SLC39A4: variants seen among roughly 807,000 people sequenced by gnomAD.
The protein encoded by SLC39A4 is zinc transporter ZIP4.
Under a neutral mutation model 56.6 loss-of-function variants are expected in SLC39A4, and 49 were observed. The ratio of observed to expected loss-of-function variants is 0.87; its 90% CI spans 0.69 to 1.10. SLC39A4 has a LOEUF of 1.10. Among genes scored for constraint, SLC39A4 ranks in the 50% least tolerant of loss-of-function variants. The pLI is 0.00. For missense variants in SLC39A4, 993 were observed against 864.2 expected (o/e 1.15, Z -1.87); for synonymous variants, 540 against 420.4 (o/e 1.28, Z -3.48).
In SLC39A4 at chr8:144,416,809, CAGTG is replaced by C; in HGVS notation, c.-24_-21del. On this transcript the variant is annotated 5_prime_UTR_variant, in exon 1 of 12. Transcript: ENST00000301305. Reference sequence around the variant, plus strand: ...CGCCATACTCAGCTCCCAGCGTGCTCAGTGGGTGTTGCTGTGGCCAAGGCCCAGT... The same window carrying C: ...CGCCATACTCAGCTCCCAGCGTGCTCGGTGTTGCTGTGGCCAAGGCCCAGT... The C allele has an allele frequency of 1.2e-6, 2 of 1,606,796 alleles. No individual in the cohort carries two copies. Among genetic ancestry groups the C allele is most frequent in the South Asian group, 2.2e-5 (2 of 90,114 alleles).
At position 144,413,978 on chromosome 8, in the gene SLC39A4, G is replaced by A. The variant is rs1554872768; in HGVS notation, c.1267C>T (p.Leu423=). 1 of 1,609,938 alleles carries A rather than the reference G, an allele frequency of 6.2e-7. No homozygotes were observed. Among genetic ancestry groups the A allele is most frequent in the Non-Finnish European group, 8.5e-7 (1 of 1,178,362 alleles). Residue 423 remains leucine (L), a synonymous_variant, in exon 7 of 12, where the codon CTG becomes TTG. Coordinates refer to ENST00000301305, the MANE Select transcript of SLC39A4 (RefSeq NM_130849.4). ...FFLFENLFNL[L]LPRDPEDLED... ...CTGACCTCCGGGTCCCTGGGCAGCA[G>A]GAGATTGAAGAGGTTCTCAAACAGG...
chr8:144,416,613 G>C lies in SLC39A4; in HGVS notation c.177C>G (p.Asn59Lys). Residue 59 changes from asparagine to lysine, a missense_variant, in exon 1 of 12, where the codon AAC (asparagine) becomes AAG (lysine). Coordinates refer to ENST00000301305, the MANE Select transcript of SLC39A4 (RefSeq NM_130849.4). The stretch of plus-strand genomic sequence containing the variant: ...GGGCTGTTACCTTTCCACACGGCCC[G>C]TTGGCGCAGTGCACACGGTCCGCCA... ...NTLADRVHCA[N>K]GPCGKCLSVE... The C allele has an allele frequency of 6.3e-7, 1 of 1,594,116 alleles. No homozygotes were observed. The highest frequency in any genetic ancestry group is 8.5e-7 in the Non-Finnish European group (1 of 1,171,656).
At chr8:144,415,641 C>T (rs1257265217) in intron 2 of SLC39A4, among the ~76,000 whole-genome samples, 169 bp downstream of exon 2, 4 of 152,164 alleles carry the variant, frequency 2.6e-5, no homozygotes, top group Non-Finnish European at 4.4e-5. Flanking sequence ...CCTACAGGCT[C>T]CCAACTGCCC....
intron 6 of SLC39A4, 80 bp downstream of exon 6, chr8:144,414,182 G>C: frequency 6.4e-7 from 1 of 1,574,450 alleles, no homozygotes; most frequent in South Asian, 1.2e-5. Flanking sequence ...GGTGGGGTGG[G>C]TAAGGTCCCT....
At position 144,415,414 on chromosome 8, in the gene SLC39A4, G is replaced by T; in HGVS notation, c.480C>A (p.Cys160Ter). Reference sequence around the variant, plus strand: ...CCTCCAGCAGCTGAGGGATATCTACGCAGGCCTGGGGAAGAGGGGGCCTCC... The same window carrying T: ...CCTCCAGCAGCTGAGGGATATCTACTCAGGCCTGGGGAAGAGGGGGCCTCC... ...RAAGQTPKMACVDIPQLLEEA... is the reference protein window; with the variant it reads ...RAAGQTPKMA The change falls in exon 3 of 12, where the codon TGC becomes TGA. Residue 160 changes from cysteine (C) to a stop codon, truncating the protein, a stop_gained. Transcript: ENST00000301305. LOFTEE classifies it high-confidence loss of function. The T allele has an allele frequency of 1.2e-6, 2 of 1,600,890 alleles. No homozygotes were observed. The highest frequency in any genetic ancestry group is 1.7e-6 in the Non-Finnish European group (2 of 1,174,552).
At chr8:144,414,134 G>C (rs202068885) in intron 6 of SLC39A4, 39 bp from the exon 7 acceptor site, 1 of 1,555,644 alleles carries the variant, frequency 6.4e-7, no homozygotes, top group East Asian at 2.4e-5. Flanking sequence ...GGAGGTCCCA[G>C]GGCGCCTCCC....
rs782537141 is a variant in SLC39A4, at chr8:144,414,828, C to G, written c.873G>C (p.Glu291Asp). 1.9e-6 allele frequency: 3 copies of G among 1,613,200 alleles called. No homozygotes were observed. Among genetic ancestry groups the G allele is most frequent in the African/African-American group, 1.3e-5 (1 of 75,020 alleles). ...GGGCAGGGCTCAGTTGGGCCCAGGC[C>G]TCCGGGGTCACCCCAGCCTGTTCCG... ...GLSEQAGVTP[E>D]AWAQLSPALL... The change falls in exon 5 of 12, where the codon GAG becomes GAC. Residue 291 changes from glutamate to aspartate, a missense_variant. Glu to Asp is a conservative substitution (Grantham distance 45, BLOSUM62 2). Transcript: ENST00000301305.
Position 144,414,253 on chromosome 8 carries a change from G to A in SLC39A4, c.1149+9C>T, listed in dbSNP as rs139192292. The stretch of plus-strand genomic sequence containing the variant: ...GGAGGGCCAGGGTCGCGGGTTTGTG[G>A]GGGCAGACCTTGGGCGTCAGATGCA... On this transcript the variant is annotated intron_variant, in intron 6 of 11. Coordinates refer to ENST00000301305, the MANE Select transcript of SLC39A4 (RefSeq NM_130849.4). 278 of 1,607,606 alleles carry A rather than the reference G, an allele frequency of 1.7e-4. 2 individuals carry two copies. In the East Asian group the frequency reaches 5.6e-3, roughly 33 times the overall value.
chr8:144,413,589 T>C, intron 8 of SLC39A4, 22 bp from the exon 9 acceptor site: 3 of 1,549,868 alleles, frequency 1.9e-6, no homozygotes, highest in South Asian at 2.4e-5. Context: ...CTTGAGTAAG[T>C]CCCGCCCGGA....
rs376765006 is a variant in SLC39A4 at position 144,414,254 on chromosome 8, G to A, written c.1149+8C>T. 5.8e-5 allele frequency: 93 copies of A among 1,607,658 alleles called. 2 individuals are homozygous for A. The highest frequency in any genetic ancestry group is 3.4e-4 in the Middle Eastern group (2 of 5,832). On this transcript the variant is annotated splice_region_variant and intron_variant, in intron 6 of 11. Coordinates refer to ENST00000301305, the MANE Select transcript of SLC39A4 (RefSeq NM_130849.4). Reference sequence around the variant, plus strand: ...GAGGGCCAGGGTCGCGGGTTTGTGGGGGCAGACCTTGGGCGTCAGATGCAG... The same window carrying A: ...GAGGGCCAGGGTCGCGGGTTTGTGGAGGCAGACCTTGGGCGTCAGATGCAG...
rs1324611721 is a variant in SLC39A4, at chr8:144,415,820, G to A, written c.464C>T (p.Thr155Ile). The change falls in exon 2 of 12, where the codon ACC (threonine) becomes ATC (isoleucine). Residue 155 changes from threonine to isoleucine, a missense_variant. By Grantham distance (89) the Thr-to-Ile change is moderately conservative. Transcript: ENST00000301305. Reference sequence around the variant, plus strand: ...TGGACTCTCCCTCACCATCTTGGGGGTCTGGCCGGCAGCCCGGGCCTGCAT... The same window carrying A: ...TGGACTCTCCCTCACCATCTTGGGGATCTGGCCGGCAGCCCGGGCCTGCAT... ...QRMQARAAGQ[T>I]PKMACVDIPQ... The A allele has an allele frequency of 1.2e-5, 19 of 1,594,640 alleles. No homozygotes were observed. The highest frequency in any genetic ancestry group is 1.7e-5 in the Admixed American group (1 of 59,646).
rs1821946007 is a variant in SLC39A4, at chr8:144,412,882, G to A, written c.1692C>T (p.Ala564=). 1.9e-6 allele frequency: 3 copies of A among 1,610,856 alleles called. No individual in the cohort carries two copies. Among genetic ancestry groups the A allele is most frequent in the Non-Finnish European group, 2.5e-6 (3 of 1,179,778 alleles). ...GACCAGCGAAGGCCGTGAGCGCGGA[G>A]GCCAGGTTCAGCAGCAGTGCTTGGC... The part of the protein sequence containing the change: ...SVRQALLLNL[A]SALTAFAGLY... The change falls in exon 11 of 12, where the codon GCC becomes GCT. Residue 564 remains alanine (A), a synonymous_variant. Coordinates refer to ENST00000301305, the MANE Select transcript of SLC39A4 (RefSeq NM_130849.4).
rs782723627 is a variant in SLC39A4 at position 144,416,794 on chromosome 8, A to G, written c.-5T>C. 2.7e-5 allele frequency: 43 copies of G among 1,611,072 alleles called. No homozygotes were observed. The highest frequency in any genetic ancestry group is 3.6e-5 in the Non-Finnish European group (42 of 1,179,494). On this transcript the variant is annotated 5_prime_UTR_variant, in exon 1 of 12. Transcript: ENST00000301305. Reference sequence around the variant, plus strand: ...CAGCGAGACCAGGGACGCCATACTCAGCTCCCAGCGTGCTCAGTGGGTGTT... The same window carrying G: ...CAGCGAGACCAGGGACGCCATACTCGGCTCCCAGCGTGCTCAGTGGGTGTT...
At chr8:144,413,124 C>G in intron 10 of SLC39A4, 113 bp downstream of exon 10, 1 of 1,500,356 alleles carries the variant, frequency 6.7e-7, no homozygotes, top group Non-Finnish European at 8.9e-7. Flanking sequence ...GGTCTCCCCA[C>G]CCAGCCAGGT....
chr8:144,413,835 C>T lies in SLC39A4; in HGVS notation c.1334G>A (p.Gly445Asp), dbSNP rs782711781. 5.0e-6 allele frequency: 8 copies of T among 1,592,932 alleles called. No individual in the cohort carries two copies. In the Admixed American group the frequency reaches 8.6e-5, roughly 17 times the overall value. ...PCGHSSHSHG[G>D]HSHGVSLQLA... Reference sequence around the variant, plus strand: ...CTGCAGGGACACACCGTGGCTGTGGCCCCCGTGGCTATGGCTGCTGTGGCC... The same window carrying T: ...CTGCAGGGACACACCGTGGCTGTGGTCCCCGTGGCTATGGCTGCTGTGGCC... The change falls in exon 8 of 12, where the codon GGC becomes GAC. Residue 445 changes from glycine to aspartate, a missense_variant. Physicochemically the swap from Gly to Asp is moderately conservative, Grantham distance 94 (BLOSUM62 -1). Transcript: ENST00000301305.
In SLC39A4 at chr8:144,413,779, G is replaced by T. The variant is rs1040441696; in HGVS notation, c.1390C>A (p.Pro464Thr). Residue 464 changes from proline (P) to threonine (T), a missense_variant, in exon 8 of 12, where the codon CCC (proline) becomes ACC (threonine). By Grantham distance (38) the Pro-to-Thr change is conservative. Coordinates refer to ENST00000301305, the MANE Select transcript of SLC39A4 (RefSeq NM_130849.4). ...LAPSELRQPK[P>T]PHEGSRADLV... The stretch of plus-strand genomic sequence containing the variant: ...TCTGCGCGGGAGCCCTCGTGGGGGG[G>T]CTTGGGCTGCCGGAGCTCGCTGGGT... 1.0e-5 allele frequency: 16 copies of T among 1,546,256 alleles called. No homozygotes were observed. Among genetic ancestry groups the T allele is most frequent in the Non-Finnish European group, 1.4e-5 (16 of 1,151,546 alleles).
chr8:144,416,144 G>A (rs1296206408), intron 1 of SLC39A4, 53 bp from the exon 2 acceptor site: 2 of 1,596,468 alleles, frequency 1.3e-6, no homozygotes, highest in Middle Eastern at 1.7e-4. Context: ...GGAGGGGAGA[G>A]GCAGGCCTGG....
Position 144,414,970 on chromosome 8 carries a change from T to G in SLC39A4, c.804+4A>C. On this transcript the variant is annotated splice_donor_region_variant and intron_variant, in intron 4 of 11. Coordinates refer to ENST00000301305, the MANE Select transcript of SLC39A4 (RefSeq NM_130849.4). ...GCCCCATCTTACCCCAGGGCGCAGC[T>G]CACCGTGTCCCACACACTGGAGCTG... 6.2e-7 allele frequency: 1 copy of G among 1,612,762 alleles called. No homozygotes were observed. The highest frequency in any genetic ancestry group is 8.5e-7 in the Non-Finnish European group (1 of 1,179,946).
chr8:144,415,770 T>C (rs782318365), intron 2 of SLC39A4, 40 bp downstream of exon 2: 5 of 1,572,276 alleles, frequency 3.2e-6, no homozygotes, highest in Admixed American at 3.4e-5. Flanking sequence ...CGTGGGACCC[T>C]CCTCACCCAC....
Sources: gnomAD v4.1 joint callset for allele counts (sites outside exome capture counted in the v4.1 genomes callset) on GRCh38, gnomAD v4.1.1 for gene constraint, MANE v1.5 for transcripts, NCBI Gene and HGNC (gene_info 2026-07-23, HGNC 2026-07-21) for gene names.